RAB11FIP2: variants seen among roughly 807,000 people sequenced by gnomAD.
RAB11FIP2 encodes the protein RAB11 family interacting protein 2, also known as rab11 family-interacting protein 2.
RAB11FIP2 carries 16 observed loss-of-function variants against 40.9 expected under a neutral mutation model. That is an observed-to-expected ratio of 0.39 (90% confidence interval 0.26 to 0.59). The LOEUF (loss-of-function observed/expected upper bound fraction) is 0.59. RAB11FIP2 is among the 20% of genes least tolerant of loss of function. The pLI is 0.53. For synonymous variants in RAB11FIP2, 228 were observed against 213.7 expected (o/e 1.07, Z -0.58); for missense variants, 532 against 606.2 (o/e 0.88, Z 1.28).
In RAB11FIP2 at chr10:118,046,119, C is replaced by A. The variant is rs1350731125; in HGVS notation, c.45G>T (p.Val15=). 1 of 1,614,102 alleles carries A rather than the reference C, an allele frequency of 6.2e-7. No homozygotes were observed. Among genetic ancestry groups the A allele is most frequent in the African/African-American group, 1.3e-5 (1 of 74,944 alleles). Residue 15 remains valine (V), a synonymous_variant, in exon 1 of 5, where the codon GTG becomes GTT. Transcript: ENST00000355624. ...CTTTGGCTTGGAGCACTGTGACCTG[C>A]ACGTGGGTTGGAAACCACTTTTGGG... ...EQAQKWFPTH[V]QVTVLQAKDL... is the part of the protein sequence containing the mutation.
Position 118,041,782 on chromosome 10 carries a change from T to G in RAB11FIP2, c.354-1217A>C, listed in dbSNP as rs191174608. 4.1e-4 allele frequency among the ~76,000 whole-genome samples: 62 copies of G among 152,236 alleles called. 1 individual carries two copies. The highest frequency in any genetic ancestry group is 1.2e-3 in the African/African-American group (49 of 41,560). ...TAAATACCAGCTACATCTTTGCACG[T>G]AACATGGAAGAAAAATATTTTCTTG... On this transcript the variant is annotated intron_variant, in intron 1 of 4. Transcript: ENST00000355624.
At chr10:118,041,324 C>T (rs761312739) in intron 1 of RAB11FIP2, among the ~76,000 whole-genome samples, 1 of 151,652 alleles carries the variant, frequency 6.6e-6, no homozygotes, top group Non-Finnish European at 1.5e-5. Flanking sequence ...TGTGACAATA[C>T]CAAATAAAAA....
chr10:118,038,946 T>C lies in RAB11FIP2; in HGVS notation c.1265+26A>G, dbSNP rs1045368912. The C allele has an allele frequency of 6.1e-6, 9 of 1,463,664 alleles. No individual in the cohort carries two copies. The South Asian group carries it at 1.1e-4, about 17-fold the overall frequency. The allele number at this position is 1,463,664 out of a possible 1,614,324, so 90.7% of individuals were successfully genotyped here. On this transcript the variant is annotated intron_variant, in intron 3 of 4. Transcript: ENST00000355624. ...TCAAGTACAAGATTTTCCCAAATAG[T>C]AGAACTTCCCCCATATTAAGCTTAC...
intron 1 of RAB11FIP2, among the ~76,000 whole-genome samples, chr10:118,042,641 A>G (rs1160114624): frequency 1.3e-5 from 2 of 152,204 alleles, no homozygotes; most frequent in African/African-American, 2.4e-5. Flanking sequence ...TCTGCCTTGC[A>G]TTAAATGTTT....
At chr10:118,037,815 A>T (rs1846499968) in intron 3 of RAB11FIP2, among the ~76,000 whole-genome samples, 1 of 152,108 alleles carries the variant, frequency 6.6e-6, no homozygotes, top group Admixed American at 6.6e-5. Flanking sequence ...TCTGAGAGAG[A>T]TTGGTTCCAG....
chr10:118,040,591 C>A, intron 1 of RAB11FIP2, 26 bp from the exon 2 acceptor site: 1 of 1,493,370 alleles, frequency 6.7e-7, no homozygotes, highest in South Asian at 1.3e-5. Flanking sequence ...AAAAAATTGG[C>A]TGTAACACAT....
Position 118,039,058 on chromosome 10 carries a change from A to C in RAB11FIP2, c.1179T>G (p.Ser393Arg), listed in dbSNP as rs751008706. The change falls in exon 3 of 5, where the codon AGT (serine) becomes AGG (arginine). Residue 393 changes from serine (S) to arginine (R), a missense_variant. By Grantham distance (110) the Ser-to-Arg change is moderately radical. Transcript: ENST00000355624. ...AATCAAAATAGTCCTGGCGATTTTC[A>C]CTAAATGCATTAGGTGATTTCAAGT... The part of the protein sequence containing the change: ...PCDLKSPNAF[S>R]ENRQDYFDYE... 2 of 1,613,406 alleles carry C rather than the reference A, an allele frequency of 1.2e-6. No individual in the cohort carries two copies. Among genetic ancestry groups the C allele is most frequent in the East Asian group, 2.2e-5 (1 of 44,838 alleles).
chr10:118,033,773 A>C (rs991165512), intron 3 of RAB11FIP2, among the ~76,000 whole-genome samples: 5 of 152,128 alleles, frequency 3.3e-5, no homozygotes, highest in Non-Finnish European at 5.9e-5. Context: ...AACTTTTTTG[A>C]CTAGGGCTTT....
chr10:118,013,608 G>C (rs58771025), intron 4 of RAB11FIP2, among the ~76,000 whole-genome samples: 10 of 152,016 alleles, frequency 6.6e-5, no homozygotes, highest in African/African-American at 2.4e-4. Context: ...TGATCAGTAC[G>C]AAGATGCGCT....
At chr10:118,021,576 T>C (rs1244103906) in intron 3 of RAB11FIP2, among the ~76,000 whole-genome samples, 1 of 152,266 alleles carries the variant, frequency 6.6e-6, no homozygotes, top group Non-Finnish European at 1.5e-5. Context: ...TAGCCCTTGC[T>C]GACTTTGTTA....
chr10:118,041,631 T>C (rs1846559736), intron 1 of RAB11FIP2, among the ~76,000 whole-genome samples: 1 of 152,130 alleles, frequency 6.6e-6, no homozygotes, highest in South Asian at 2.1e-4. Flanking sequence ...GTGTAACAAA[T>C]TTTCTTAGCT....
intron 3 of RAB11FIP2, among the ~76,000 whole-genome samples, chr10:118,034,369 G>A (rs1036758103): frequency 1.1e-3 from 161 of 143,268 alleles, no homozygotes; most frequent in Non-Finnish European, 1.8e-3. Context: ...AAAAAAAAAA[G>A]AAATGAAATG....
intron 3 of RAB11FIP2, among the ~76,000 whole-genome samples, chr10:118,030,446 T>C (rs979935132): frequency 6.6e-6 from 1 of 152,144 alleles, no homozygotes; most frequent in Non-Finnish European, 1.5e-5. Flanking sequence ...GTTAATTACC[T>C]AAACTATATC....
Position 118,005,056 on chromosome 10 carries a change from A to T in RAB11FIP2, c.*3942T>A, listed in dbSNP as rs1359526669. 1 of 152,658 alleles carries T rather than the reference A, an allele frequency of 6.6e-6. No homozygotes were observed. Among genetic ancestry groups the T allele is most frequent in the Non-Finnish European group, 1.5e-5 (1 of 68,042 alleles). The allele number at this position is 152,658 out of a possible 1,614,324, so 9.5% of individuals were successfully genotyped here. A position where few individuals can be genotyped will look rare whatever the true frequency, so the allele number is the denominator to read the frequency against. ...TACTTTTGAATTTGTACCTGCAAAA[A>T]TGTATACAAGTTATGAGAGCATTTA... On this transcript the variant is annotated 3_prime_UTR_variant, in exon 5 of 5. Transcript: ENST00000355624.
Position 118,008,836 on chromosome 10 carries a change from G to T in RAB11FIP2, c.*162C>A. On this transcript the variant is annotated 3_prime_UTR_variant, in exon 5 of 5. Transcript: ENST00000355624. ...TTAGCTTGCTTCAAAGGTCACTCTT[G>T]ATAGTCCCTGCTAATATTTACAGGT... The T allele has an allele frequency of 1.6e-6, 1 of 628,350 alleles. No homozygotes were observed. The highest frequency in any genetic ancestry group is 2.8e-6 in the Non-Finnish European group (1 of 361,368). 38.9% of individuals were successfully genotyped at this position (628,350 alleles called of 1,614,324 possible).
At chr10:118,034,988 C>T (rs915111005) in intron 3 of RAB11FIP2, among the ~76,000 whole-genome samples, 3 of 152,106 alleles carry the variant, frequency 2.0e-5, no homozygotes, top group African/African-American at 7.2e-5. Flanking sequence ...GGCTGGGGCA[C>T]GGGTGAGCTC....
At chr10:118,020,260 T>C (rs1846268099) in intron 3 of RAB11FIP2, among the ~76,000 whole-genome samples, 1 of 152,200 alleles carries the variant, frequency 6.6e-6, no homozygotes, top group Non-Finnish European at 1.5e-5. Context: ...CTGTCAGTTC[T>C]ACTGTGAGCT....
chr10:118,032,569 GC>G, intron 3 of RAB11FIP2, among the ~76,000 whole-genome samples: 1 of 152,184 alleles, frequency 6.6e-6, no homozygotes, highest in Middle Eastern at 3.4e-3. Flanking sequence ...GTACGCATTT[GC>G]CAGCACAATT....
intron 3 of RAB11FIP2, among the ~76,000 whole-genome samples, chr10:118,026,558 A>T (rs560954743): frequency 1.3e-5 from 2 of 152,286 alleles, no homozygotes; most frequent in South Asian, 4.2e-4. Context: ...ACCAAAGGGG[A>T]CTGAAATGTT....
Sources: allele counts gnomAD v4.1 joint callset (sites outside exome capture counted in the v4.1 genomes callset), GRCh38; gene constraint gnomAD v4.1.1; transcripts MANE v1.5; gene names NCBI Gene and HGNC (gene_info 2026-07-23, HGNC 2026-07-21).